The following TMEM38B variants were observed in gnomAD, a reference collection of about 807,000 sequenced individuals.
TMEM38B encodes transmembrane protein 38B.
In TMEM38B, 24 loss-of-function variants were observed where a neutral mutation model predicts 28.7. The observed-to-expected ratio is 0.84, with a 90% CI of 0.61 to 1.18. The LOEUF is 1.18. Ranked by LOEUF, TMEM38B falls within the 50% of genes most tolerant of loss-of-function variation. The probability of loss-of-function intolerance (pLI) is 0.00; values close to 1 mark genes in which losing one functional copy is unlikely to be tolerated. For synonymous variants in TMEM38B, 131 were observed against 127.7 expected (o/e 1.03, Z -0.17); for missense variants, 380 against 350.9 (o/e 1.08, Z -0.66).
At chr9:105,708,718 T>A (rs920166010) in intron 2 of TMEM38B, among the ~76,000 whole-genome samples, 1 of 152,122 alleles carries the variant, frequency 6.6e-6, no homozygotes, top group Admixed American at 6.5e-5. Context: ...AATCTTTTTT[T>A]CCTCAGAAGT....
At chr9:105,699,749 A>T (rs1471603207) in intron 1 of TMEM38B, among the ~76,000 whole-genome samples, 1 of 152,218 alleles carries the variant, frequency 6.6e-6, no homozygotes, top group East Asian at 1.9e-4. Context: ...GTTTACCTCC[A>T]TTTGTCTCGT....
intron 4 of TMEM38B, among the ~76,000 whole-genome samples, chr9:105,730,820 C>G (rs1017392956): frequency 2.0e-5 from 3 of 152,220 alleles, no homozygotes; most frequent in South Asian, 2.1e-4. Context: ...AGGAATTTAT[C>G]CATTTCTGCT....
At chr9:105,721,989 T>C (rs185597882) in intron 3 of TMEM38B, among the ~76,000 whole-genome samples, 107 of 152,312 alleles carry the variant, frequency 7.0e-4, no homozygotes, top group African/African-American at 2.5e-3. Flanking sequence ...GATTTATAGT[T>C]AATTAAGGTA....
intron 4 of TMEM38B, among the ~76,000 whole-genome samples, chr9:105,723,835 A>G (rs2133580451): frequency 7.4e-6 from 1 of 135,928 alleles, no homozygotes; most frequent in South Asian, 2.4e-4. Flanking sequence ...GGCCGAACTC[A>G]GTCTTTATTT....
chr9:105,722,296 C>T (rs1036915281), intron 3 of TMEM38B, among the ~76,000 whole-genome samples: 47 of 152,162 alleles, frequency 3.1e-4, no homozygotes, highest in African/African-American at 1.1e-3. Flanking sequence ...AAACAAACTT[C>T]TAACCATATC....
intron 4 of TMEM38B, among the ~76,000 whole-genome samples, chr9:105,736,831 G>T (rs1444060940): frequency 1.3e-5 from 2 of 152,336 alleles, no homozygotes; most frequent in South Asian, 4.1e-4. Context: ...GGGCACACTG[G>T]TGTAGTTTCT....
At chr9:105,742,489 A>T (rs1588443559) in intron 4 of TMEM38B, among the ~76,000 whole-genome samples, 1 of 152,210 alleles carries the variant, frequency 6.6e-6, no homozygotes, top group African/African-American at 2.4e-5. Flanking sequence ...TTATTTCACC[A>T]TTGCATTTTG....
chr9:105,742,911 A>T (rs1424464411), intron 4 of TMEM38B, among the ~76,000 whole-genome samples: 1 of 152,192 alleles, frequency 6.6e-6, no homozygotes, highest in Non-Finnish European at 1.5e-5. Context: ...TGATAACCAT[A>T]ATTTGGGAAT....
intron 2 of TMEM38B, among the ~76,000 whole-genome samples, chr9:105,707,560 A>G (rs1835719709): frequency 6.6e-6 from 1 of 152,212 alleles, no homozygotes; most frequent in Non-Finnish European, 1.5e-5. Context: ...TATTACAAAT[A>G]ATAGTAGCAA....
Position 105,721,537 on chromosome 9 carries a change from G to C in TMEM38B, c.270G>C (p.Trp90Cys), listed in dbSNP as rs1257547302. The C allele has an allele frequency of 1.5e-5, 23 of 1,585,434 alleles. No individual in the cohort carries two copies. The highest frequency in any genetic ancestry group is 1.9e-5 in the Non-Finnish European group (22 of 1,166,112). ...TAAAATGTTTACATTTCATTTTCAG[G>C]TATATTACATTTTTTTGCCCGCATG... ...HTNILLASSI[W>C]YITFFCPHDL... Residue 90 changes from tryptophan (W) to cysteine (C), a missense_variant and splice_region_variant, in exon 3 of 6, where the codon TGG becomes TGC. Physicochemically the swap from Trp to Cys is radical, Grantham distance 215. Coordinates refer to ENST00000374692, the MANE Select transcript of TMEM38B (RefSeq NM_018112.3).
chr9:105,741,918 A>G (rs959384400), intron 4 of TMEM38B, among the ~76,000 whole-genome samples: 2 of 152,166 alleles, frequency 1.3e-5, no homozygotes, highest in African/African-American at 4.8e-5. Flanking sequence ...AAGGGATTGG[A>G]TGTTTGACTC....
chr9:105,754,130 A>C (rs1001082399), intron 5 of TMEM38B, among the ~76,000 whole-genome samples: 2 of 151,752 alleles, frequency 1.3e-5, no homozygotes, highest in African/African-American at 4.8e-5. Flanking sequence ...GAGCACCCAG[A>C]TTCATAAAGC....
In TMEM38B at chr9:105,721,612, G is replaced by A. The variant is rs144295240; in HGVS notation, c.345G>A (p.Ser115=). ...ATCTACCTGTTCAACTACTGGCTTC[G>A]GGAATGAAGGAAGTGACCAGAACTT... The part of the protein sequence containing the change: ...YSYLPVQLLA[S]GMKEVTRTWK... Residue 115 remains serine (S), a synonymous_variant, in exon 3 of 6, where the codon TCG becomes TCA. Coordinates refer to ENST00000374692, the MANE Select transcript of TMEM38B (RefSeq NM_018112.3). 1.7e-5 allele frequency: 28 copies of A among 1,613,530 alleles called. No homozygotes were observed. The African/African-American group carries it at 2.3e-4, about 13-fold the overall frequency.
intron 4 of TMEM38B, among the ~76,000 whole-genome samples, chr9:105,738,066 T>C (rs1837050384): frequency 1.3e-5 from 2 of 152,086 alleles, no homozygotes; most frequent in African/African-American, 4.8e-5. Flanking sequence ...CAGAGCAGGA[T>C]GCACTCCCAG....
chr9:105,766,701 T>A (rs1183857126), intron 5 of TMEM38B, among the ~76,000 whole-genome samples: 1 of 152,128 alleles, frequency 6.6e-6, no homozygotes, highest in Non-Finnish European at 1.5e-5. Flanking sequence ...AGTTTTCACC[T>A]GTTTCTTCTA....
chr9:105,721,761 G>A, intron 3 of TMEM38B, 40 bp downstream of exon 3: 1 of 1,470,050 alleles, frequency 6.8e-7, no homozygotes, highest in Non-Finnish European at 9.3e-7. Context: ...TTCTGTTGTT[G>A]GTGTATTATT....
intron 4 of TMEM38B, among the ~76,000 whole-genome samples, chr9:105,740,496 A>T (rs1021130028): frequency 9.9e-5 from 15 of 151,836 alleles, no homozygotes; most frequent in Non-Finnish European, 4.4e-5. Flanking sequence ...TGAACTCGTG[A>T]GGTCAAGCGA....
intron 1 of TMEM38B, among the ~76,000 whole-genome samples, chr9:105,703,158 C>T (rs1229372815): frequency 3.3e-5 from 5 of 152,160 alleles, no homozygotes; most frequent in African/African-American, 1.2e-4. Context: ...TTTCTTTTTT[C>T]TCTTCTAAAT....
intron 1 of TMEM38B, 115 bp downstream of exon 1, chr9:105,694,887 C>G (rs1200670911): frequency 1.3e-5 from 11 of 820,654 alleles, no homozygotes; most frequent in Middle Eastern, 3.7e-4. Flanking sequence ...CTAGCCCAGA[C>G]AGTTCGATGG....
Sources: allele counts gnomAD v4.1 joint callset (sites outside exome capture counted in the v4.1 genomes callset), GRCh38; gene constraint gnomAD v4.1.1; transcripts MANE v1.5; gene names NCBI Gene and HGNC (gene_info 2026-07-23, HGNC 2026-07-21).